Variants in PRKG1 observed in about 807,000 individuals in gnomAD.
PRKG1 encodes the protein cGMP-dependent protein kinase 1.
A neutral mutation model predicts 88.1 loss-of-function variants in PRKG1; 35 were observed. The ratio of observed to expected loss-of-function variants is 0.40; its 90% CI spans 0.30 to 0.53. The LOEUF is 0.53. PRKG1 is among the 20% of genes least tolerant of loss of function. The pLI, the probability that PRKG1 is intolerant of heterozygous loss-of-function variation, is 0.59. For synonymous variants in PRKG1, 303 were observed against 292.5 expected, an observed-to-expected ratio of 1.04 and a Z score of -0.37; for missense variants, 540 against 839.8, an observed-to-expected ratio of 0.64 and a Z score of 4.41.
chr10:51,072,038 A>T (rs1214768807), upstream of PRKG1, among the ~76,000 whole-genome samples: 9 of 152,202 alleles, frequency 5.9e-5, no homozygotes, highest in Non-Finnish European at 1.3e-4. Context: ...TCTACTAAAA[A>T]TACAAAAACT....
chr10:51,196,486 T>C (rs1222179642), intron 2 of PRKG1, among the ~76,000 whole-genome samples: 1 of 152,146 alleles, frequency 6.6e-6, no homozygotes, highest in Non-Finnish European at 1.5e-5. Context: ...CCTTTGTCAG[T>C]GACAGATAAT....
At chr10:51,095,123 A>G (rs1420629064) in intron 1 of PRKG1, among the ~76,000 whole-genome samples, 2 of 152,148 alleles carry the variant, frequency 1.3e-5, no homozygotes, top group Non-Finnish European at 2.9e-5. Flanking sequence ...AATGACAAAG[A>G]CGTCTGGAGG....
chr10:51,710,276 AT>A (rs1317714008), intron 3 of PRKG1, among the ~76,000 whole-genome samples: 1 of 152,094 alleles, frequency 6.6e-6, no homozygotes, highest in Non-Finnish European at 1.5e-5. Context: ...GCATTTTTTG[AT>A]TTGTTTGATT....
intron 7 of PRKG1, chr10:52,081,555 C>G (rs1381137285): frequency 8.8e-6 from 4 of 455,586 alleles, no homozygotes; most frequent in African/African-American, 8.0e-5. Flanking sequence ...ATTGATTAAT[C>G]ATAATTCATT....
intron 2 of PRKG1, among the ~76,000 whole-genome samples, chr10:51,273,283 G>GGAGGAT (rs1430654876): frequency 6.6e-6 from 1 of 151,140 alleles, no homozygotes; most frequent in Non-Finnish European, 1.5e-5. Context: ...AGCTGAGGAA[G>GGAGGAT]GAGGATTGCT....
chr10:51,241,092 A>G (rs933110502), intron 2 of PRKG1, among the ~76,000 whole-genome samples: 1 of 152,132 alleles, frequency 6.6e-6, no homozygotes, highest in African/African-American at 2.4e-5. Flanking sequence ...AGTAGGTCCT[A>G]TTAGGATCCC....
intron 17 of PRKG1, among the ~76,000 whole-genome samples, chr10:52,290,910 C>CTTT (rs746256641): frequency 0.018 from 2,205 of 122,776 alleles, 37 homozygotes; most frequent in African/African-American, 0.059. Flanking sequence ...CATGATCACT[C>CTTT]TTTTTTTTTT....
At chr10:51,270,455 T>C (rs376846231) in intron 2 of PRKG1, among the ~76,000 whole-genome samples, 2 of 152,094 alleles carry the variant, frequency 1.3e-5, no homozygotes, top group African/African-American at 4.8e-5. Context: ...AATACCCCCT[T>C]TGAAGTTATT....
rs549445828 is a variant in PRKG1 at position 52,171,865 on chromosome 10, C to T, written c.1076+9902C>T. On this transcript the variant is annotated intron_variant, in intron 9 of 17. Coordinates refer to ENST00000373980, the MANE Select transcript of PRKG1 (RefSeq NM_006258.4). Reference sequence around the variant, plus strand: ...GGTCGGACTGCGGACTGCAGTGGCGCAATCTCGGCTCACTGCAAGCTCCGC... The same window carrying T: ...GGTCGGACTGCGGACTGCAGTGGCGTAATCTCGGCTCACTGCAAGCTCCGC... Among the ~76,000 whole-genome samples, 27 of 137,854 alleles carry T rather than the reference C, an allele frequency of 2.0e-4. No homozygotes were observed. In the South Asian group the frequency reaches 6.0e-3, roughly 30 times the overall value. The allele number at this position is 137,854 out of a possible 152,430, so 90.4% of individuals were successfully genotyped here. A position where few individuals can be genotyped will look rare whatever the true frequency, so the allele number is the denominator to read the frequency against.
At chr10:51,911,753 G>A (rs1842222166) in intron 5 of PRKG1, among the ~76,000 whole-genome samples, 1 of 152,138 alleles carries the variant, frequency 6.6e-6, no homozygotes, top group Non-Finnish European at 1.5e-5. Flanking sequence ...AAGAGCAAAA[G>A]CAATACTGAA....
chr10:51,634,126 A>C (rs1839596262), intron 3 of PRKG1, among the ~76,000 whole-genome samples: 1 of 152,192 alleles, frequency 6.6e-6, no homozygotes, highest in Admixed American at 6.5e-5. Flanking sequence ...TGTGTGTTTC[A>C]ATAGAGATTT....
At chr10:51,709,588 G>C (rs1841692529) in intron 3 of PRKG1, among the ~76,000 whole-genome samples, 1 of 152,186 alleles carries the variant, frequency 6.6e-6, no homozygotes, top group Non-Finnish European at 1.5e-5. Flanking sequence ...CTTGAAAATG[G>C]AATTGCCTGT....
intron 2 of PRKG1, among the ~76,000 whole-genome samples, chr10:51,312,832 C>A (rs1841225846): frequency 6.6e-6 from 1 of 152,110 alleles, no homozygotes; most frequent in South Asian, 2.1e-4. Context: ...ACTGTAAAAG[C>A]TTATTCTTTG....
intron 8 of PRKG1, among the ~76,000 whole-genome samples, chr10:52,148,879 A>G (rs373455350): frequency 1.3e-5 from 2 of 151,818 alleles, no homozygotes; most frequent in East Asian, 3.9e-4. Context: ...ATAGGCTGAG[A>G]ATTAATGAAA....
At chr10:51,633,365 A>G (rs1457059715) in intron 3 of PRKG1, among the ~76,000 whole-genome samples, 3 of 152,168 alleles carry the variant, frequency 2.0e-5, no homozygotes, top group African/African-American at 7.2e-5. Context: ...ACCCTTTCTA[A>G]CAGTTTAGCT....
At chr10:51,979,484 G>A (rs1904041) in intron 5 of PRKG1, among the ~76,000 whole-genome samples, 1 of 121,238 alleles carries the variant, frequency 8.2e-6, no homozygotes, top group Admixed American at 1.1e-4. Flanking sequence ...TGGCCTCATA[G>A]AATGAGTTAG....
chr10:51,215,754 C>G (rs1035800040), intron 2 of PRKG1, among the ~76,000 whole-genome samples: 3 of 152,178 alleles, frequency 2.0e-5, no homozygotes, highest in Admixed American at 2.0e-4. Flanking sequence ...ATGACAAAAA[C>G]TTGGTAGCCT....
At chr10:51,228,893 T>TA (rs1377262951) in intron 2 of PRKG1, among the ~76,000 whole-genome samples, 3 of 152,230 alleles carry the variant, frequency 2.0e-5, no homozygotes, top group African/African-American at 7.2e-5. Flanking sequence ...CCCTGTTGTA[T>TA]AACCACGCTT....
At chr10:51,169,539 G>A (rs1354425000) in intron 2 of PRKG1, among the ~76,000 whole-genome samples, 1 of 152,106 alleles carries the variant, frequency 6.6e-6, no homozygotes, top group African/African-American at 2.4e-5. Flanking sequence ...TAAAAAGACA[G>A]CTCTTATGAG....
Sources: allele counts gnomAD v4.1 joint callset (sites outside exome capture counted in the v4.1 genomes callset), GRCh38; gene constraint gnomAD v4.1.1; transcripts MANE v1.5; gene names NCBI Gene and HGNC (gene_info 2026-07-23, HGNC 2026-07-21).